VCL: variants seen among roughly 807,000 people sequenced by gnomAD.
VCL encodes the protein epididymis luminal protein 114.
Under a neutral mutation model 125.7 loss-of-function variants are expected in VCL, and 47 were observed. That is an observed-to-expected ratio of 0.37 (90% CI 0.30 to 0.48). The LOEUF is 0.48. VCL is among the 20% of genes least tolerant of loss of function. The probability of loss-of-function intolerance (pLI) is 0.99; values close to 1 mark genes in which losing one functional copy is unlikely to be tolerated. For synonymous variants in VCL, 458 were observed against 514.6 expected (o/e 0.89, Z 1.49); for missense variants, 1,069 against 1,455.5 (o/e 0.73, Z 4.32).
chr10:74,048,582 C>T (rs1335780344), intron 2 of VCL, among the ~76,000 whole-genome samples: 4 of 151,998 alleles, frequency 2.6e-5, no homozygotes, highest in Admixed American at 6.6e-5. Flanking sequence ...TTTTCTTCTT[C>T]GTCATCATCA....
intron 17 of VCL, 86 bp downstream of exon 17, chr10:74,107,440 C>A (rs1387613529): frequency 3.7e-6 from 6 of 1,605,106 alleles, no homozygotes; most frequent in Non-Finnish European, 5.1e-6. Flanking sequence ...TTAGAGCCTC[C>A]ATCACTAGGT....
chr10:74,071,152 C>G lies in VCL; in HGVS notation c.499+69C>G. 6.8e-7 allele frequency: 1 copy of G among 1,473,970 alleles called. No individual in the cohort carries two copies. 91.3% of individuals were successfully genotyped at this position (1,473,970 alleles called of 1,614,324 possible). A position where few individuals can be genotyped will look rare whatever the true frequency, so the allele number is the denominator to read the frequency against. ...ATGTTGGAGCCAAAGGAAAGGGTAC[C>G]CTCTTCCTACTTTTTGCAGAAGATA... On this transcript the variant is annotated intron_variant, in intron 4 of 21. Coordinates refer to ENST00000211998, the MANE Select transcript of VCL (RefSeq NM_014000.3). This position sits in a 1 kb window ranked among gnomAD's most constrained non-coding sequence, Gnocchi z 4.1.
Position 74,017,554 on chromosome 10 carries a change from T to C in VCL, c.168+19179T>C, listed in dbSNP as rs77901543. On this transcript the variant is annotated intron_variant, in intron 1 of 21. Coordinates refer to ENST00000211998, the MANE Select transcript of VCL (RefSeq NM_014000.3). ...GCTGCTGCTGCTTTTTCTTTCTTTC[T>C]TTCTTTTTTTTTTTTTGAGACAGGG... Among the ~76,000 whole-genome samples, 82 of 147,702 alleles carry C rather than the reference T, an allele frequency of 5.6e-4. 1 individual carries two copies. Among genetic ancestry groups the C allele is most frequent in the Non-Finnish European group, 1.2e-4 (8 of 67,294 alleles).
At chr10:74,021,286 C>T (rs1840661420) in intron 1 of VCL, among the ~76,000 whole-genome samples, 2 of 152,090 alleles carry the variant, frequency 1.3e-5, no homozygotes, top group Admixed American at 1.3e-4. Context: ...GTTTCCACCC[C>T]TCCTTTCTCT....
Position 74,074,649 on chromosome 10 carries a change from C to T in VCL, c.623-94C>T. 9 of 1,456,464 alleles carry T rather than the reference C, an allele frequency of 6.2e-6. 1 individual carries two copies. The highest frequency in any genetic ancestry group is 5.1e-5 in the South Asian group (4 of 78,022). The allele number at this position is 1,456,464 out of a possible 1,614,324, so 90.2% of individuals were successfully genotyped here. On this transcript the variant is annotated intron_variant, in intron 5 of 21. Transcript: ENST00000211998. ...TATACTCATTTTAGGATCTTAAAAGCCCAAAACATCTAAAGTGTAGAACAT... is the reference window on the plus strand; with the variant it reads ...TATACTCATTTTAGGATCTTAAAAGTCCAAAACATCTAAAGTGTAGAACAT...
intron 1 of VCL, among the ~76,000 whole-genome samples, chr10:74,004,463 T>A (rs1840282616): frequency 1.3e-5 from 2 of 152,198 alleles, no homozygotes; most frequent in African/African-American, 4.8e-5. Context: ...CTGCTTTTTT[T>A]CACACCACCA....
chr10:74,061,413 C>A (rs1259404512), intron 2 of VCL, among the ~76,000 whole-genome samples: 1 of 152,152 alleles, frequency 6.6e-6, no homozygotes, highest in Non-Finnish European at 1.5e-5. Context: ...TCCTGTAAAC[C>A]TTTTCAATTT....
At chr10:74,033,844 C>T (rs918319081) in intron 1 of VCL, among the ~76,000 whole-genome samples, 1 of 152,188 alleles carries the variant, frequency 6.6e-6, no homozygotes, top group Non-Finnish European at 1.5e-5. Flanking sequence ...GACCCAGTCA[C>T]TTGAGCCAGG....
intron 1 of VCL, among the ~76,000 whole-genome samples, chr10:74,006,897 A>T (rs1840331830): frequency 6.6e-6 from 1 of 152,210 alleles, no homozygotes. Flanking sequence ...TTTAACCTGT[A>T]CTTATTTAAT....
chr10:74,093,222 G>A (rs1295720426), intron 10 of VCL, among the ~76,000 whole-genome samples: 6 of 151,988 alleles, frequency 3.9e-5, no homozygotes, highest in Admixed American at 6.6e-5. Context: ...GCTTGAACCC[G>A]AGAGGCAGAG....
chr10:74,103,759 G>A, intron 14 of VCL, 61 bp from the exon 15 acceptor site: 1 of 1,507,534 alleles, frequency 6.6e-7, no homozygotes, highest in Non-Finnish European at 9.2e-7. Flanking sequence ...AAGCTTGGCT[G>A]AAGGTTTGTA....
rs115549459 is a variant in VCL at position 74,065,185 on chromosome 10, G to A, written c.240-5485G>A. Among the ~76,000 whole-genome samples, 654 of 148,872 alleles carry A rather than the reference G, an allele frequency of 4.4e-3. 8 individuals carry two copies. The highest frequency in any genetic ancestry group is 0.016 in the African/African-American group (636 of 39,916). On this transcript the variant is annotated intron_variant, in intron 2 of 21. Coordinates refer to ENST00000211998, the MANE Select transcript of VCL (RefSeq NM_014000.3). ...TGAGTCTCACTCTGTCGCTTAGGCT[G>A]AAGTGCAGTGGCGTGATCTTGGCTC...
At chr10:74,034,995 A>G (rs1218945042) in intron 1 of VCL, among the ~76,000 whole-genome samples, 2 of 152,230 alleles carry the variant, frequency 1.3e-5, no homozygotes, top group African/African-American at 2.4e-5. Context: ...AGTACAGGCA[A>G]ATGGGTACAC....
intron 13 of VCL, among the ~76,000 whole-genome samples, chr10:74,100,531 A>G (rs1840035257): frequency 6.6e-6 from 1 of 152,214 alleles, no homozygotes; most frequent in Non-Finnish European, 1.5e-5. Flanking sequence ...CTGGGCTTTT[A>G]ATGTACCCAG....
chr10:74,045,046 C>T (rs959317534), intron 2 of VCL, among the ~76,000 whole-genome samples: 4 of 151,830 alleles, frequency 2.6e-5, no homozygotes, highest in East Asian at 1.9e-4. Context: ...TGGTGTGAGC[C>T]GATAGTCCCA....
At chr10:74,025,881 T>C (rs998309754) in intron 1 of VCL, among the ~76,000 whole-genome samples, 4 of 152,080 alleles carry the variant, frequency 2.6e-5, no homozygotes, top group African/African-American at 9.7e-5. Flanking sequence ...GGAAGTTTAA[T>C]AGGCAAAAGA....
chr10:74,043,942 T>C (rs1841146113), intron 2 of VCL, among the ~76,000 whole-genome samples: 1 of 151,550 alleles, frequency 6.6e-6, no homozygotes, highest in Non-Finnish European at 1.5e-5. Context: ...ACCCTGTCTC[T>C]ACTAAAAATA....
At position 74,046,533 on chromosome 10, in the gene VCL, G is replaced by C. The variant is rs1167834571; in HGVS notation, c.239+3380G>C. Among the ~76,000 whole-genome samples, 6 of 152,318 alleles carry C rather than the reference G, an allele frequency of 3.9e-5. No individual in the cohort carries two copies. The East Asian group carries it at 1.2e-3, about 29-fold the overall frequency. Reference sequence around the variant, plus strand: ...GTTGGGAGTACCGGCATGAGCCACTGTGCCCCGGCCTTAGCCTGGTAATAT... The same window carrying C: ...GTTGGGAGTACCGGCATGAGCCACTCTGCCCCGGCCTTAGCCTGGTAATAT... On this transcript the variant is annotated intron_variant, in intron 2 of 21. Transcript: ENST00000211998.
chr10:74,085,888 C>CAA (rs1181013267), intron 8 of VCL, among the ~76,000 whole-genome samples: 3 of 151,894 alleles, frequency 2.0e-5, no homozygotes, highest in Non-Finnish European at 4.4e-5. Context: ...TTTTTTGAGA[C>CAA]AAGAGTTTTG....
Sources: allele counts gnomAD v4.1 joint callset (sites outside exome capture counted in the v4.1 genomes callset), GRCh38; gene constraint gnomAD v4.1.1; non-coding constraint Gnocchi (gnomAD v3.1); transcripts MANE v1.5; gene names NCBI Gene and HGNC (gene_info 2026-07-23, HGNC 2026-07-21).